Variants in ARHGAP29 observed in about 807,000 individuals in gnomAD.
The protein encoded by ARHGAP29 is rho GTPase-activating protein 29.
Under a neutral mutation model 122.6 loss-of-function variants are expected in ARHGAP29, and 43 were observed. That is an observed-to-expected ratio of 0.35 (90% CI 0.27 to 0.45). The LOEUF (loss-of-function observed/expected upper bound fraction) is 0.45, where lower values mean the gene tolerates loss of function less well. Ranked by LOEUF, ARHGAP29 falls within the 20% of genes least tolerant of loss-of-function variation. ARHGAP29 has a pLI of 1.00. For synonymous variants in ARHGAP29, 506 were observed against 497.1 expected, an observed-to-expected ratio of 1.02 and a Z score of -0.24; for missense variants, 1,303 against 1,477.2, an observed-to-expected ratio of 0.88 and a Z score of 1.93.
intron 2 of ARHGAP29, among the ~76,000 whole-genome samples, chr1:94,221,252 C>A (rs1162183379): frequency 2.6e-5 from 4 of 152,106 alleles, no homozygotes; most frequent in African/African-American, 9.7e-5. Context: ...AGTATAATCA[C>A]CCTACCTTTA....
intron 3 of ARHGAP29, among the ~76,000 whole-genome samples, chr1:94,210,524 T>C (rs113903686): frequency 1.9e-4 from 29 of 152,252 alleles, no homozygotes; most frequent in African/African-American, 6.8e-4. Context: ...AAATTTTATA[T>C]GCATAAGCCT....
intron 12 of ARHGAP29, chr1:94,190,397 C>A (rs192056796): frequency 4.7e-4 from 108 of 229,956 alleles, no homozygotes; most frequent in African/African-American, 2.3e-3. Context: ...TTCTGAGGAT[C>A]CTCATCTCTA....
intron 16 of ARHGAP29, 36 bp from the exon 17 acceptor site, chr1:94,185,517 G>T (rs761069601): frequency 6.5e-7 from 1 of 1,532,818 alleles, no homozygotes; most frequent in Non-Finnish European, 8.8e-7. Context: ...ATTGTAAAAT[G>T]ATAGAAAAAT....
chr1:94,311,242 C>T, the ARHGAP29 span, among the ~76,000 whole-genome samples: 2 of 152,164 alleles, frequency 1.3e-5, no homozygotes, highest in African/African-American at 4.8e-5. Context: ...ATCTAAGCCA[C>T]ATTTCCCAGC....
At chr1:94,252,977 A>C (rs1557889780) in intron 1 of ARHGAP29, among the ~76,000 whole-genome samples, 1 of 147,136 alleles carries the variant, frequency 6.8e-6, no homozygotes, top group African/African-American at 2.5e-5. Context: ...ATTCTCCTTT[A>C]TTTTTTTTTT....
intron 12 of ARHGAP29, among the ~76,000 whole-genome samples, chr1:94,197,991 G>C (rs893735143): frequency 6.6e-6 from 1 of 151,886 alleles, no homozygotes; most frequent in African/African-American, 2.4e-5. Flanking sequence ...GCCTTAGTTA[G>C]GACAATAAGA....
At chr1:94,241,458 A>G (rs1419893424), upstream of ARHGAP29, among the ~76,000 whole-genome samples, 1 of 151,692 alleles carries the variant, frequency 6.6e-6, no homozygotes, top group Non-Finnish European at 1.5e-5. Flanking sequence ...TCTACTAAAA[A>G]TACAAAAAAT....
chr1:94,256,659 C>T (rs1396061890), intron 1 of ARHGAP29, among the ~76,000 whole-genome samples: 8 of 145,220 alleles, frequency 5.5e-5, no homozygotes, highest in African/African-American at 1.0e-4. Context: ...CCCAGGTTCA[C>T]GCCATTCTCC....
chr1:94,241,749 T>A (rs201200244), upstream of ARHGAP29, among the ~76,000 whole-genome samples: 12 of 131,316 alleles, frequency 9.1e-5, no homozygotes, highest in South Asian at 4.7e-4. Context: ...TATATATATA[T>A]AAAATCAAAT....
chr1:94,216,413 G>T (rs1169098258), intron 3 of ARHGAP29, among the ~76,000 whole-genome samples: 1 of 152,142 alleles, frequency 6.6e-6, no homozygotes, highest in Non-Finnish European at 1.5e-5. Context: ...TTAAAAAAGA[G>T]AACACATCCG....
intron 1 of ARHGAP29, among the ~76,000 whole-genome samples, chr1:94,256,588 C>T (rs1277941959): frequency 1.9e-4 from 17 of 90,982 alleles, no homozygotes; most frequent in African/African-American, 3.2e-4. Flanking sequence ...GACAGAGTCT[C>T]GCTCTGTCTC....
the ARHGAP29 span, among the ~76,000 whole-genome samples, chr1:94,308,678 A>G: frequency 4.1e-4 from 62 of 152,248 alleles, 1 homozygote; most frequent in Non-Finnish European, 7.5e-4. Context: ...CCACTGCGCC[A>G]GGATCCCATT....
intron 1 of ARHGAP29, among the ~76,000 whole-genome samples, chr1:94,247,426 T>C (rs2100687894): frequency 6.6e-6 from 1 of 151,672 alleles, no homozygotes; most frequent in South Asian, 2.1e-4. Context: ...GTCCTCTCGC[T>C]CGTCCGCGCC....
At chr1:94,196,663 G>C (rs1306530460) in intron 12 of ARHGAP29, among the ~76,000 whole-genome samples, 1 of 152,036 alleles carries the variant, frequency 6.6e-6, no homozygotes, top group Non-Finnish European at 1.5e-5. Context: ...AAATTTAAGA[G>C]AAATGTAATC....
chr1:94,179,713 TAA>T lies in ARHGAP29; in HGVS notation c.2480+10_2480+11del. The T allele has an allele frequency of 6.5e-7, 1 of 1,548,250 alleles. No individual in the cohort carries two copies. The highest frequency in any genetic ancestry group is 8.8e-7 in the Non-Finnish European group (1 of 1,132,044). ...CCCATTAATAAATGTTCTAGTTATA[TAA>T]AATTCTTACCGCTTTAGATGTACTA... is the stretch of plus-strand genomic sequence containing the variant. On this transcript the variant is annotated intron_variant, in intron 20 of 22. Transcript: ENST00000260526.
chr1:94,184,387 A>G, intron 18 of ARHGAP29, 99 bp from the exon 19 acceptor site: 1 of 860,152 alleles, frequency 1.2e-6, no homozygotes, highest in South Asian at 2.1e-5. Context: ...TTTTCACTCT[A>G]TTTCAAATTT....
At chr1:94,271,271 A>G (rs563289027) in intron 1 of ARHGAP29, among the ~76,000 whole-genome samples, 1 of 151,738 alleles carries the variant, frequency 6.6e-6, no homozygotes, top group East Asian at 1.9e-4. Flanking sequence ...GTAAGAGAAT[A>G]AAAGAGGATA....
chr1:94,282,255 CTTTATTTATTTATTTATTTATTTA>C, the ARHGAP29 span, among the ~76,000 whole-genome samples: 2 of 141,408 alleles, frequency 1.4e-5, no homozygotes, highest in African/African-American at 2.6e-5. Context: ...AGTGATAGTG[CTTTATTTATTTATTTATTTATTTA>C]TTTATTTATT....
intron 1 of ARHGAP29, among the ~76,000 whole-genome samples, chr1:94,259,376 G>A (rs533167848): frequency 4.6e-5 from 7 of 152,132 alleles, no homozygotes; most frequent in Non-Finnish European, 1.0e-4. Flanking sequence ...ACCAAAGATT[G>A]GACATGTTGT....
Sources: gnomAD v4.1 joint callset for allele counts (sites outside exome capture counted in the v4.1 genomes callset) on GRCh38, gnomAD v4.1.1 for gene constraint, MANE v1.5 for transcripts, NCBI Gene and HGNC (gene_info 2026-07-23, HGNC 2026-07-21) for gene names.